Variants in PLAC1 observed in about 807,000 individuals in gnomAD.
The protein encoded by PLAC1 is placenta-specific protein 1.
For synonymous variants in PLAC1, 68 were observed against 62.1 expected (o/e 1.09, Z -0.44); for missense variants, 136 against 163.2 (o/e 0.83, Z 0.91).
intron 2 of PLAC1, among the ~76,000 whole-genome samples, chrX:134,578,281 C>T (rs770687669): frequency 1.4e-3 from 147 of 107,772 alleles, no homozygotes; most frequent in East Asian, 5.0e-3. Flanking sequence ...GGCGTGGTGG[C>T]GGGCGCCTGT....
At chrX:134,705,000 T>TA (rs2078598040) in intron 2 of PLAC1, among the ~76,000 whole-genome samples, 2 of 81,189 alleles carry the variant, frequency 2.5e-5, no homozygotes, top group Admixed American at 1.4e-4. Flanking sequence ...CTCAAAAAAA[T>TA]TATATATATA....
intron 1 of PLAC1, among the ~76,000 whole-genome samples, chrX:134,763,556 C>T (rs1182437339): frequency 9.0e-6 from 1 of 111,267 alleles, no homozygotes; most frequent in Non-Finnish European, 1.9e-5. Flanking sequence ...CACGATAGCT[C>T]ACGCCTATAA....
intron 2 of PLAC1, among the ~76,000 whole-genome samples, chrX:134,675,631 C>T (rs1034095700): frequency 3.7e-5 from 4 of 108,949 alleles, no homozygotes; most frequent in Admixed American, 2.0e-4. Flanking sequence ...TGCCATTGCA[C>T]TCCAGCCCGG....
At chrX:134,668,572 A>AT (rs1429514276) in intron 2 of PLAC1, among the ~76,000 whole-genome samples, 1 of 112,426 alleles carries the variant, frequency 8.9e-6, no homozygotes, top group African/African-American at 3.2e-5. Context: ...TTCTAGTTTT[A>AT]TTTTTTTAAG....
chrX:134,631,689 G>A (rs12557773), intron 1 of PLAC1, among the ~76,000 whole-genome samples: 43,111 of 110,377 alleles, frequency 0.39, 7,899 homozygotes, highest in Non-Finnish European at 0.57. Flanking sequence ...AAAAATCTCT[G>A]CTAAGGCTCA....
At chrX:134,653,546 C>G (rs1184765179) in intron 1 of PLAC1, among the ~76,000 whole-genome samples, 1 of 111,380 alleles carries the variant, frequency 9.0e-6, no homozygotes, top group East Asian at 2.8e-4. Context: ...CTTGCTCTAC[C>G]TTGTCCCAAT....
chrX:134,716,843 C>A (rs1406523029), intron 2 of PLAC1, among the ~76,000 whole-genome samples: 1 of 112,345 alleles, frequency 8.9e-6, no homozygotes, highest in Non-Finnish European at 1.9e-5. Context: ...GCCAATCTGA[C>A]CTTGAGAAAG....
intron 1 of PLAC1, among the ~76,000 whole-genome samples, chrX:134,640,550 G>A (rs1419382886): frequency 9.0e-6 from 1 of 111,371 alleles, no homozygotes; most frequent in African/African-American, 3.3e-5. Context: ...ATTTTAAGTA[G>A]TGTGCTAGAT....
At chrX:134,574,475 ATAGT>A (rs1197075230) in intron 2 of PLAC1, among the ~76,000 whole-genome samples, 8 of 111,505 alleles carry the variant, frequency 7.2e-5, no homozygotes, top group Non-Finnish European at 5.6e-5. Flanking sequence ...CCTTTCTATA[ATAGT>A]TAGAGAGTAC....
At chrX:134,578,515 CTTTTT>C (rs766626696) in intron 2 of PLAC1, among the ~76,000 whole-genome samples, 1,009 of 55,962 alleles carry the variant, frequency 0.018, 16 homozygotes, top group African/African-American at 0.066. Context: ...TTCTTTCTTT[CTTTTT>C]TTTTTTTTTT....
intron 1 of PLAC1, among the ~76,000 whole-genome samples, chrX:134,648,886 G>A (rs776122471): frequency 9.0e-6 from 1 of 111,639 alleles, no homozygotes; most frequent in South Asian, 3.8e-4. Flanking sequence ...AGTGAGAATC[G>A]ATGGTTCAAC....
At chrX:134,643,573 TG>T (rs1201520635) in intron 1 of PLAC1, among the ~76,000 whole-genome samples, 2 of 111,693 alleles carry the variant, frequency 1.8e-5, no homozygotes, top group Non-Finnish European at 3.8e-5. Flanking sequence ...AATTCAAGGC[TG>T]GTTCACCATT....
At chrX:134,704,190 A>G (rs1217237407) in intron 2 of PLAC1, among the ~76,000 whole-genome samples, 3 of 109,698 alleles carry the variant, frequency 2.7e-5, no homozygotes, top group African/African-American at 1.0e-4. Context: ...GAAGCAATGT[A>G]AAACATAGTA....
Position 134,633,910 on chromosome X carries a change from G to T in PLAC1, c.-131+24418C>A, listed in dbSNP as rs748828738. Reference sequence around the variant, plus strand: ...AGGGGCTGATTTGGGCAAGGCAGGGGAAAGGGAAGTAGTGGAGAAGCCAGG... The same window carrying T: ...AGGGGCTGATTTGGGCAAGGCAGGGTAAAGGGAAGTAGTGGAGAAGCCAGG... On this transcript the variant is annotated intron_variant, in intron 1 of 2. Coordinates refer to ENST00000359237, the MANE Select transcript of PLAC1 (RefSeq NM_021796.4). 5.4e-5 allele frequency among the ~76,000 whole-genome samples: 6 copies of T among 111,852 alleles called. No homozygotes were observed. In the East Asian group the frequency reaches 1.7e-3, roughly 31 times the overall value.
intron 1 of PLAC1, among the ~76,000 whole-genome samples, chrX:134,606,812 G>A (rs1454636635): frequency 2.2e-4 from 24 of 111,561 alleles, no homozygotes; most frequent in Non-Finnish European, 4.1e-4. Context: ...CAACCTAAGC[G>A]TCCATCAGTG....
rs200884197 is a variant in PLAC1, at chrX:134,757,576, CA to C, written n.89+6657del. On this transcript the variant is annotated intron_variant and non_coding_transcript_variant, in intron 1 of 2. Coordinates refer to the PLAC1 transcript ENST00000466797. Reference sequence around the variant, plus strand: ...ATTTGGGATCCTTGATTGAAACAAACAAAAAAAAGCTCTAAATGACATTATT... The same window carrying C: ...ATTTGGGATCCTTGATTGAAACAAACAAAAAAAGCTCTAAATGACATTATT... 4.4e-3 allele frequency among the ~76,000 whole-genome samples: 485 copies of C among 110,889 alleles called. 2 individuals are homozygous for C. Among genetic ancestry groups the C allele is most frequent in the South Asian group, 0.022 (57 of 2,647 alleles).
chrX:134,680,558 C>CTAAAA (rs2078491839), intron 2 of PLAC1, among the ~76,000 whole-genome samples: 1 of 87,431 alleles, frequency 1.1e-5, no homozygotes, highest in African/African-American at 3.9e-5. Context: ...CTAAACTAAA[C>CTAAAA]TAAACTAAAC....
intron 2 of PLAC1, among the ~76,000 whole-genome samples, chrX:134,705,352 A>G (rs1197473914): frequency 1.0e-5 from 1 of 96,734 alleles, no homozygotes; most frequent in Non-Finnish European, 2.0e-5. Flanking sequence ...CAGGAGGCGG[A>G]GGTTGCAGTG....
intron 2 of PLAC1, among the ~76,000 whole-genome samples, chrX:134,721,956 G>A (rs1420053280): frequency 8.9e-6 from 1 of 112,423 alleles, no homozygotes; most frequent in Non-Finnish European, 1.9e-5. Context: ...CATTGCTGGT[G>A]AGAATGTAAA....
Sources: gnomAD v4.1 joint callset for allele counts (sites outside exome capture counted in the v4.1 genomes callset) on GRCh38, gnomAD v4.1.1 for gene constraint, MANE v1.5 for transcripts, NCBI Gene and HGNC (gene_info 2026-07-23, HGNC 2026-07-21) for gene names.